The following DPY19L1 variants were observed in gnomAD, a reference collection of about 807,000 sequenced individuals.
The protein encoded by DPY19L1 is protein C-mannosyl-transferase DPY19L1.
Under a neutral mutation model 96.9 loss-of-function variants are expected in DPY19L1, and 35 were observed. The ratio of observed to expected loss-of-function variants is 0.36; its 90% CI spans 0.28 to 0.48. The LOEUF (loss-of-function observed/expected upper bound fraction) is 0.48, where lower values mean the gene tolerates loss of function less well. Ranked by LOEUF, DPY19L1 falls within the 20% of genes least tolerant of loss-of-function variation. The probability of loss-of-function intolerance (pLI) is 0.99; values close to 1 mark genes in which losing one functional copy is unlikely to be tolerated. For missense variants in DPY19L1, 521 were observed against 777.9 expected, an observed-to-expected ratio of 0.67 and a Z score of 3.93; for synonymous variants, 205 against 252.6, an observed-to-expected ratio of 0.81 and a Z score of 1.79.
chr7:34,999,201 A>G (rs1785367323), intron 6 of DPY19L1, among the ~76,000 whole-genome samples: 1 of 152,214 alleles, frequency 6.6e-6, no homozygotes, highest in Non-Finnish European at 1.5e-5. Flanking sequence ...AGAAAGATGA[A>G]CCCAAAAGGT....
chr7:35,019,292 C>T (rs1186313123), intron 1 of DPY19L1, among the ~76,000 whole-genome samples: 2 of 152,024 alleles, frequency 1.3e-5, no homozygotes, highest in Non-Finnish European at 2.9e-5. Flanking sequence ...AAAGGAAACC[C>T]AGGCCAGATA....
intron 21 of DPY19L1, among the ~76,000 whole-genome samples, chr7:34,936,494 G>T (rs1783870913): frequency 1.3e-5 from 2 of 152,142 alleles, no homozygotes; most frequent in African/African-American, 4.8e-5. Context: ...AAATAAAGAA[G>T]ATCCCCATTC....
chr7:34,943,929 C>T (rs560279704), intron 16 of DPY19L1, among the ~76,000 whole-genome samples: 1 of 152,236 alleles, frequency 6.6e-6, no homozygotes, highest in Admixed American at 6.5e-5. Flanking sequence ...CAGGTATAAA[C>T]ATATACCTGT....
chr7:35,002,522 A>G (rs1435443634), intron 6 of DPY19L1, among the ~76,000 whole-genome samples: 1 of 152,190 alleles, frequency 6.6e-6, no homozygotes, highest in Non-Finnish European at 1.5e-5. Flanking sequence ...ATAAGTAAAG[A>G]AATAATTCAA....
At chr7:34,948,676 C>T (rs1212404205) in intron 14 of DPY19L1, among the ~76,000 whole-genome samples, 1 of 152,180 alleles carries the variant, frequency 6.6e-6, no homozygotes, top group Non-Finnish European at 1.5e-5. Context: ...AACAACTTCA[C>T]CACATCCTAA....
intron 6 of DPY19L1, among the ~76,000 whole-genome samples, chr7:35,002,644 G>C (rs1040268468): frequency 2.8e-5 from 4 of 140,476 alleles, no homozygotes; most frequent in African/African-American, 1.0e-4. Context: ...CAGAACCATA[G>C]AGACAAAGAA....
chr7:34,952,092 A>C (rs1286975668), intron 13 of DPY19L1, among the ~76,000 whole-genome samples: 1 of 148,538 alleles, frequency 6.7e-6, no homozygotes, highest in Admixed American at 6.8e-5. Context: ...AACTTTCCTA[A>C]GTTGCCAGAA....
At chr7:34,932,129 C>G (rs1262512375) in intron 21 of DPY19L1, among the ~76,000 whole-genome samples, 1 of 152,124 alleles carries the variant, frequency 6.6e-6, no homozygotes. Flanking sequence ...TATGAGAGAC[C>G]AGGTATCTAG....
chr7:35,014,207 T>C (rs996427711), intron 3 of DPY19L1, among the ~76,000 whole-genome samples: 5 of 152,214 alleles, frequency 3.3e-5, no homozygotes, highest in African/African-American at 1.2e-4. Flanking sequence ...TGATGTATTA[T>C]TACATATGAA....
At chr7:34,956,450 C>T (rs898865829) in intron 11 of DPY19L1, among the ~76,000 whole-genome samples, 55 of 151,722 alleles carry the variant, frequency 3.6e-4, no homozygotes, top group Middle Eastern at 7.1e-3. Flanking sequence ...ATACTCAAGG[C>T]ACAACCTGAA....
At chr7:34,987,330 C>T (rs1316439797) in intron 7 of DPY19L1, among the ~76,000 whole-genome samples, 1 of 151,814 alleles carries the variant, frequency 6.6e-6, no homozygotes, top group Non-Finnish European at 1.5e-5. Flanking sequence ...TATTATAAAC[C>T]CTTTTACTGC....
intron 6 of DPY19L1, among the ~76,000 whole-genome samples, chr7:35,009,023 TTTTA>T (rs1225761354): frequency 1.3e-5 from 2 of 152,244 alleles, no homozygotes; most frequent in Admixed American, 1.3e-4. Context: ...AATCATGCAT[TTTTA>T]TTTTAGTCTC....
At chr7:34,984,197 A>C (rs895122632) in intron 7 of DPY19L1, among the ~76,000 whole-genome samples, 1 of 152,240 alleles carries the variant, frequency 6.6e-6, no homozygotes, top group Non-Finnish European at 1.5e-5. Flanking sequence ...TAAAATTCTT[A>C]AAACTAAAGA....
intron 9 of DPY19L1, among the ~76,000 whole-genome samples, chr7:34,967,653 G>A (rs1784639452): frequency 6.6e-6 from 1 of 152,050 alleles, no homozygotes; most frequent in Non-Finnish European, 1.5e-5. Flanking sequence ...AGGTAATATA[G>A]CAGACAATGC....
At chr7:34,942,839 A>G (rs1417587219) in intron 16 of DPY19L1, among the ~76,000 whole-genome samples, 200 bp from the exon 17 acceptor site, 1 of 152,222 alleles carries the variant, frequency 6.6e-6, no homozygotes, top group Non-Finnish European at 1.5e-5. Context: ...AAGAATGACA[A>G]TGTTGTATTA....
chr7:34,931,814 C>T (rs1283880632), intron 21 of DPY19L1, 85 bp from the exon 22 acceptor site: 8 of 1,473,236 alleles, frequency 5.4e-6, no homozygotes, highest in African/African-American at 1.4e-5. Flanking sequence ...TTCCTGACCT[C>T]AATTCCTTTT....
intron 17 of DPY19L1, 141 bp downstream of exon 17, chr7:34,942,474 T>C: frequency 1.4e-6 from 1 of 701,558 alleles, no homozygotes; most frequent in Non-Finnish European, 2.5e-6. Flanking sequence ...GCATATAGCA[T>C]TCTCATAAAA....
At chr7:35,032,674 A>G (rs997844365) in intron 1 of DPY19L1, among the ~76,000 whole-genome samples, 2 of 152,086 alleles carry the variant, frequency 1.3e-5, no homozygotes, top group Admixed American at 6.5e-5. Context: ...CAAAAGTAAC[A>G]TGTCCAAGAC....
chr7:35,018,665 C>A, intron 1 of DPY19L1, 69 bp from the exon 2 acceptor site: 1 of 1,373,360 alleles, frequency 7.3e-7, no homozygotes, highest in South Asian at 1.2e-5. Context: ...AAAGCCATTT[C>A]AAAGATAAAG....
Sources: allele counts gnomAD v4.1 joint callset (sites outside exome capture counted in the v4.1 genomes callset), GRCh38; gene constraint gnomAD v4.1.1; transcripts MANE v1.5; gene names NCBI Gene and HGNC (gene_info 2026-07-23, HGNC 2026-07-21).